The following TGFBI variants were observed in gnomAD, a reference collection of about 807,000 sequenced individuals.
TGFBI encodes the protein transforming growth factor-beta-induced protein ig-h3.
A neutral mutation model predicts 73.7 loss-of-function variants in TGFBI; 50 were observed. That is an observed-to-expected ratio of 0.68 (90% confidence interval 0.54 to 0.86). The LOEUF (loss-of-function observed/expected upper bound fraction) is 0.86. Among genes scored for constraint, TGFBI ranks in the 40% least tolerant of loss-of-function variants. The probability of loss-of-function intolerance (pLI) is 0.00; values close to 1 mark genes in which losing one functional copy is unlikely to be tolerated. For missense variants in TGFBI, 839 were observed against 877.0 expected, an observed-to-expected ratio of 0.96 and a Z score of 0.55; for synonymous variants, 362 against 360.5, an observed-to-expected ratio of 1.00 and a Z score of -0.05.
chr5:136,063,551 T>C lies in TGFBI; in HGVS notation c.*325T>C, dbSNP rs1751786927. On this transcript the variant is annotated 3_prime_UTR_variant, in exon 17 of 17. Coordinates refer to ENST00000442011, the MANE Select transcript of TGFBI (RefSeq NM_000358.3). The stretch of plus-strand genomic sequence containing the variant: ...AGTCCCTGGAAAAGGAGCTTCAGTA[T>C]TGTGGGGCTCATAAAACATGAATCA... 9.6e-6 allele frequency: 3 copies of C among 313,776 alleles called. No homozygotes were observed. Among genetic ancestry groups the C allele is most frequent in the Non-Finnish European group, 1.2e-5 (2 of 168,044 alleles). The allele number at this position is 313,776 out of a possible 1,614,324, so 19.4% of individuals were successfully genotyped here.
intron 7 of TGFBI, among the ~76,000 whole-genome samples, chr5:136,050,401 C>G (rs916685386): frequency 3.9e-5 from 6 of 151,940 alleles, no homozygotes; most frequent in African/African-American, 1.2e-4. Flanking sequence ...TCGTCATGCC[C>G]TCCTCAATGA....
intron 6 of TGFBI, chr5:136,048,970 G>A: frequency 6.4e-6 from 1 of 156,666 alleles, no homozygotes; most frequent in Admixed American, 6.2e-5. Flanking sequence ...TCCATGCATG[G>A]GCTCATGTAC....
chr5:136,054,185 G>A, intron 9 of TGFBI, 105 bp downstream of exon 9: 1 of 1,452,622 alleles, frequency 6.9e-7, no homozygotes, highest in South Asian at 1.3e-5. Context: ...TGGGACATTA[G>A]AACTTCCACT....
At position 136,063,362 on chromosome 5, in the gene TGFBI, G is replaced by C; in HGVS notation, c.*136G>C. 1 of 777,562 alleles carries C rather than the reference G, an allele frequency of 1.3e-6. No individual in the cohort carries two copies. The highest frequency in any genetic ancestry group is 2.2e-6 in the Non-Finnish European group (1 of 460,656). The allele number at this position is 777,562 out of a possible 1,614,324, so 48.2% of individuals were successfully genotyped here. On this transcript the variant is annotated 3_prime_UTR_variant, in exon 17 of 17. Transcript: ENST00000442011. ...CATGGGCCGCACCATAATGAGATGT[G>C]AGCCTTGTGCATGTGGGGGAGGAGG... is the stretch of plus-strand genomic sequence containing the variant.
At chr5:136,049,162 G>A (rs1751487238) in intron 6 of TGFBI, 2 of 373,458 alleles carry the variant, frequency 5.4e-6, no homozygotes, top group South Asian at 6.1e-5. Flanking sequence ...AAAGTAAGAG[G>A]GAAGAGCAGA....
Position 136,033,876 on chromosome 5 carries a change from C to A in TGFBI, c.233+15C>A. 6.2e-7 allele frequency: 1 copy of A among 1,608,716 alleles called. No homozygotes were observed. Among genetic ancestry groups the A allele is most frequent in the Non-Finnish European group, 8.5e-7 (1 of 1,175,968 alleles). ...GGCAAATCAACGTGAGTATCTGTAA[C>A]CAGCCAGGAGACCAAGCTGTATGCA... On this transcript the variant is annotated intron_variant, in intron 2 of 16. Transcript: ENST00000442011.
At chr5:136,055,178 G>A (rs1296662558) in intron 10 of TGFBI, 1 of 307,250 alleles carries the variant, frequency 3.3e-6, no homozygotes, top group Admixed American at 4.7e-5. Flanking sequence ...CTTATGAGAA[G>A]AGAAGCCCCC....
chr5:136,054,111 G>A (rs758245608), intron 9 of TGFBI, 31 bp downstream of exon 9: 1 of 1,602,070 alleles, frequency 6.2e-7, no homozygotes, highest in Non-Finnish European at 8.5e-7. Context: ...CTGTTAGATT[G>A]TCCCTGGAGG....
At chr5:136,063,018 G>C (rs1439718807) in intron 16 of TGFBI, among the ~76,000 whole-genome samples, 168 bp from the exon 17 acceptor site, 1 of 152,222 alleles carries the variant, frequency 6.6e-6, no homozygotes, top group East Asian at 1.9e-4. Context: ...CCAGAACATC[G>C]GGCCTTGAGT....
rs372038210 is a variant in TGFBI, at chr5:136,045,577, A to T, written c.299-758A>T. The stretch of plus-strand genomic sequence containing the variant: ...AAATAAATAAATAAATAAATAAATC[A>T]TGAGACTGAGACATAACAGGAAGGA... On this transcript the variant is annotated intron_variant, in intron 3 of 16. Coordinates refer to ENST00000442011, the MANE Select transcript of TGFBI (RefSeq NM_000358.3). Among the ~76,000 whole-genome samples, 11 of 152,150 alleles carry T rather than the reference A, an allele frequency of 7.2e-5. No individual in the cohort carries two copies. The East Asian group carries it at 1.9e-3, about 27-fold the overall frequency.
intron 6 of TGFBI, 105 bp downstream of exon 6, chr5:136,047,525 G>C: frequency 7.1e-7 from 1 of 1,409,878 alleles, no homozygotes; most frequent in Middle Eastern, 2.3e-4. Flanking sequence ...GGCTCCTGTA[G>C]GGGAACATAG....
At chr5:136,046,296 C>T (rs1221321303) in intron 3 of TGFBI, 39 bp from the exon 4 acceptor site, 1 of 1,612,544 alleles carries the variant, frequency 6.2e-7, no homozygotes, top group Non-Finnish European at 8.5e-7. Flanking sequence ...GGGCTGGACC[C>T]CCAGAGGCCA....
At chr5:136,040,012 C>T (rs1751301948) in intron 2 of TGFBI, among the ~76,000 whole-genome samples, 1 of 152,232 alleles carries the variant, frequency 6.6e-6, no homozygotes, top group East Asian at 1.9e-4. Flanking sequence ...CAGGGCCATT[C>T]CTTGTTCCAA....
chr5:136,046,757 C>T lies in TGFBI; in HGVS notation c.460-94C>T, dbSNP rs550826371. ...TTGGCAGAAGAGAGGCCTGGGCTCA[C>T]GAGGGCTGAGAACATGTTTCCCAGA... On this transcript the variant is annotated intron_variant, in intron 4 of 16. Coordinates refer to ENST00000442011, the MANE Select transcript of TGFBI (RefSeq NM_000358.3). The T allele has an allele frequency of 1.8e-5, 26 of 1,455,492 alleles. 1 individual carries two copies. In the East Asian group the frequency reaches 2.9e-4, roughly 16 times the overall value. The allele number at this position is 1,455,492 out of a possible 1,614,324, so 90.2% of individuals were successfully genotyped here. A position where few individuals can be genotyped will look rare whatever the true frequency, so the allele number is the denominator to read the frequency against.
intron 1 of TGFBI, among the ~76,000 whole-genome samples, chr5:136,031,307 G>A (rs1751116264): frequency 6.6e-6 from 1 of 152,258 alleles, no homozygotes; most frequent in African/African-American, 2.4e-5. Flanking sequence ...GGATAACGTT[G>A]TTCTAGCTCC....
At chr5:136,041,134 C>CCA (rs1188542577) in intron 2 of TGFBI, among the ~76,000 whole-genome samples, 1 of 152,218 alleles carries the variant, frequency 6.6e-6, no homozygotes, top group African/African-American at 2.4e-5. Flanking sequence ...CCTTCCCAGC[C>CCA]CACAGGCTGC....
rs1751748788 is a variant in TGFBI, at chr5:136,061,579, G to A, written c.1986G>A (p.Arg662=). The change falls in exon 15 of 17, where the codon AGG becomes AGA. Residue 662 remains arginine (R), a splice_region_variant and synonymous_variant. Transcript: ENST00000442011. ...TCAAACAAGCATCAGCGTTTTCCAG[G>A]GTAAGATGCCTGCTAGGTTTGCGCC... ...EIFKQASAFS[R]ASQRSVRLAP... is the part of the protein sequence containing the mutation. 6.2e-7 allele frequency: 1 copy of A among 1,613,358 alleles called. No homozygotes were observed. Among genetic ancestry groups the A allele is most frequent in the Non-Finnish European group, 8.5e-7 (1 of 1,179,586 alleles).
chr5:136,061,734 C>T, intron 15 of TGFBI, 155 bp downstream of exon 15: 2 of 704,770 alleles, frequency 2.8e-6, no homozygotes, highest in South Asian at 1.5e-5. Flanking sequence ...TCAGCCCCAG[C>T]CTGTGTCAAA....
chr5:136,060,837 A>C lies in TGFBI; in HGVS notation c.1807A>C (p.Asn603His). Reference protein sequence around the residue: ...QGDKLEVSLKNNVVSVNKEPV... With the variant: ...QGDKLEVSLKHNVVSVNKEPV... The stretch of plus-strand genomic sequence containing the variant: ...CACTACTCTGTTTTTCTTTTAGAAA[A>C]ACAATGTGGTGAGTGTCAACAAGGA... Residue 603 changes from asparagine to histidine, a missense_variant, in exon 14 of 17, where the codon AAC (asparagine) becomes CAC (histidine). Transcript: ENST00000442011. The C allele has an allele frequency of 6.3e-7, 1 of 1,593,930 alleles. No homozygotes were observed. Among genetic ancestry groups the C allele is most frequent in the South Asian group, 1.1e-5 (1 of 88,462 alleles).
Sources: gnomAD v4.1 joint callset for allele counts (sites outside exome capture counted in the v4.1 genomes callset) on GRCh38, gnomAD v4.1.1 for gene constraint, MANE v1.5 for transcripts, NCBI Gene and HGNC (gene_info 2026-07-23, HGNC 2026-07-21) for gene names.